Variants in MACF1 observed in about 807,000 individuals in gnomAD.
The protein encoded by MACF1 is microtubule-actin cross-linking factor 1.
MACF1 carries 193 observed loss-of-function variants against 854.8 expected under a neutral mutation model. The observed-to-expected ratio is 0.23, with a 90% CI of 0.20 to 0.25. MACF1 has a LOEUF of 0.25. MACF1 is among the 10% of genes least tolerant of loss of function. MACF1 has a pLI of 1.00. For synonymous variants in MACF1, 3,185 were observed against 3,226.7 expected, an observed-to-expected ratio of 0.99 and a Z score of 0.44; for missense variants, 7,722 against 8,929.1, an observed-to-expected ratio of 0.86 and a Z score of 5.45.
In MACF1 at chr1:39,333,475, G is replaced by A. The variant is rs780408514; in HGVS notation, c.6887G>A (p.Gly2296Asp). The A allele has an allele frequency of 1.2e-6, 2 of 1,614,148 alleles. No homozygotes were observed. Among genetic ancestry groups the A allele is most frequent in the Middle Eastern group, 1.6e-4 (1 of 6,062 alleles). ...TTATCTGCACAGTTACTAGATGGTG[G>A]TATCTTTCATGAACAAACAGGTCAA... ...NVLSAQLLDG[G>D]IFHEQTGQKL... Residue 2296 changes from glycine to aspartate, a missense_variant, in exon 37 of 101, where the codon GGT becomes GAT. Physicochemically the swap from Gly to Asp is moderately conservative, Grantham distance 94 (BLOSUM62 -1). Around this residue, in one of 15 missense-constraint regions of MACF1, gnomAD observed 1,531 missense variants for 1,601.6 expected, o/e 0.96. Transcript: ENST00000564288.
intron 2 of MACF1, among the ~76,000 whole-genome samples, chr1:39,192,717 A>G (rs145239659): frequency 6.6e-6 from 1 of 152,338 alleles, no homozygotes; most frequent in African/African-American, 2.4e-5. Flanking sequence ...AATAAGAGAA[A>G]CACTAATCTA....
intron 2 of MACF1, chr1:39,121,024 T>C (rs1642693920): frequency 6.6e-6 from 1 of 152,400 alleles, no homozygotes; most frequent in Non-Finnish European, 1.5e-5. Flanking sequence ...TTTTAGTATA[T>C]GTGTTGCTTA....
In MACF1 at chr1:39,324,639, C is replaced by T; in HGVS notation, c.4390-7C>T. 1.2e-6 allele frequency: 2 copies of T among 1,601,384 alleles called. No individual in the cohort carries two copies. Among genetic ancestry groups the T allele is most frequent in the Non-Finnish European group, 8.5e-7 (1 of 1,173,016 alleles). On this transcript the variant is annotated splice_region_variant and splice_polypyrimidine_tract_variant and intron_variant, in intron 34 of 100. Coordinates refer to ENST00000564288, the MANE Select transcript of MACF1 (RefSeq NM_001394062.1). ...TGAAGCTTTTTCTCTTTATTTCTAC[C>T]ATGTAGGTTCTGTCAGAAGAGCTGA...
chr1:39,303,744 A>G (rs1253709231), intron 23 of MACF1, among the ~76,000 whole-genome samples: 3 of 150,744 alleles, frequency 2.0e-5, no homozygotes, highest in Non-Finnish European at 4.4e-5. Context: ...GGCCCCTGTA[A>G]TCCCAGCTAC....
chr1:39,268,480 C>T, intron 6 of MACF1: 3 of 1,120,316 alleles, frequency 2.7e-6, no homozygotes, highest in South Asian at 2.1e-5. Flanking sequence ...TTGAATTTGT[C>T]TTGTTGCAGC....
chr1:39,428,950 A>G (rs551001048), intron 63 of MACF1, among the ~76,000 whole-genome samples: 29 of 152,250 alleles, frequency 1.9e-4, no homozygotes, highest in Admixed American at 8.5e-4. Context: ...ATTTTGCTCA[A>G]TTTCACTTCT....
intron 97 of MACF1, among the ~76,000 whole-genome samples, chr1:39,473,642 T>G (rs1468492327): frequency 6.6e-6 from 1 of 152,226 alleles, no homozygotes; most frequent in Non-Finnish European, 1.5e-5. Flanking sequence ...TGAGCACTTC[T>G]CAATGGAAGC....
chr1:39,106,608 C>T (rs979073351), intron 2 of MACF1, among the ~76,000 whole-genome samples: 3 of 152,120 alleles, frequency 2.0e-5, no homozygotes, highest in African/African-American at 7.2e-5. Context: ...GGAGATTTTC[C>T]CAGAAACGAC....
chr1:39,163,176 C>A (rs980160420), intron 2 of MACF1, among the ~76,000 whole-genome samples: 1 of 151,824 alleles, frequency 6.6e-6, no homozygotes. Flanking sequence ...CATGGTGAAA[C>A]CCCATCTTTA....
intron 2 of MACF1, among the ~76,000 whole-genome samples, chr1:39,123,239 G>A (rs1391998984): frequency 1.6e-5 from 2 of 125,408 alleles, no homozygotes; most frequent in East Asian, 4.6e-4. Context: ...AGAGAGTCTC[G>A]CTCTGTTGCC....
rs1455151321 is a variant in MACF1, at chr1:39,447,584, C to G, written c.19758C>G (p.His6586Gln). 2 of 1,613,964 alleles carry G rather than the reference C, an allele frequency of 1.2e-6. No individual in the cohort carries two copies. Among genetic ancestry groups the G allele is most frequent in the Non-Finnish European group, 1.7e-6 (2 of 1,180,004 alleles). The part of the protein sequence containing the change: ...LNTVLSQIEE[H>Q]KVFANEVNAH... ...CTGTCCTTTCCCAGATAGAAGAGCACAAGGTAAGTATGATATTATGATGCT... is the reference window on the plus strand; with the variant it reads ...CTGTCCTTTCCCAGATAGAAGAGCAGAAGGTAAGTATGATATTATGATGCT... The change falls in exon 81 of 101, where the codon CAC (histidine) becomes CAG (glutamine). Residue 6586 changes from histidine to glutamine, a missense_variant. Around this residue, in one of 15 missense-constraint regions of MACF1, gnomAD observed 729 missense variants for 900.5 expected, o/e 0.81. Coordinates refer to ENST00000564288, the MANE Select transcript of MACF1 (RefSeq NM_001394062.1).
intron 2 of MACF1, among the ~76,000 whole-genome samples, chr1:39,156,165 G>A (rs900460937): frequency 1.3e-5 from 2 of 151,660 alleles, no homozygotes; most frequent in East Asian, 1.9e-4. Context: ...GTGAGCCACC[G>A]TGCCTGGCCT....
chr1:39,197,862 G>T (rs1263762398), intron 2 of MACF1, among the ~76,000 whole-genome samples: 2 of 152,180 alleles, frequency 1.3e-5, no homozygotes, highest in Non-Finnish European at 1.5e-5. Context: ...TTCTGGCCTG[G>T]GCGACAGAGC....
Position 39,412,567 on chromosome 1 carries a change from G to A in MACF1, c.15817-9807G>A, listed in dbSNP as rs774555569. On this transcript the variant is annotated intron_variant, in intron 58 of 100. Coordinates refer to ENST00000564288, the MANE Select transcript of MACF1 (RefSeq NM_001394062.1). ...GATTCTGAGTCTGCACCTGCTGGTT[G>A]AAGAACTGAGACTTAATCCAGATGG... is the stretch of plus-strand genomic sequence containing the variant. The A allele has an allele frequency of 1.2e-5, 19 of 1,613,894 alleles. No individual in the cohort carries two copies. In the African/African-American group the frequency reaches 2.4e-4, roughly 20 times the overall value.
At chr1:39,360,034 TATATATATATATATATATAC>T (rs1458282191) in intron 47 of MACF1, among the ~76,000 whole-genome samples, 2,871 of 85,076 alleles carry the variant, frequency 0.034, 190 homozygotes, top group Admixed American at 0.076. Context: ...TATATATATA[TATATATATATATATATATAC>T]ACACACACAC....
chr1:39,177,900 A>G (rs576340243), intron 2 of MACF1, among the ~76,000 whole-genome samples: 4 of 152,258 alleles, frequency 2.6e-5, no homozygotes, highest in Middle Eastern at 3.4e-3. Flanking sequence ...CTGCACTGCC[A>G]TGGCAATAAA....
chr1:39,387,146 G>T (rs1024926176), intron 57 of MACF1, 41 bp from the exon 58 acceptor site: 2 of 1,594,868 alleles, frequency 1.3e-6, no homozygotes, highest in African/African-American at 1.3e-5. Flanking sequence ...AAATGCCAGG[G>T]TTCAGGCTTT....
At chr1:39,315,352 A>G (rs1289491260) in intron 26 of MACF1, among the ~76,000 whole-genome samples, 161 bp from the exon 27 acceptor site, 1 of 152,220 alleles carries the variant, frequency 6.6e-6, no homozygotes, top group Non-Finnish European at 1.5e-5. Flanking sequence ...TTACAGCTGC[A>G]TAATTCTCCA....
At chr1:39,378,667 G>T in intron 53 of MACF1, 144 bp downstream of exon 53, 1 of 742,608 alleles carries the variant, frequency 1.3e-6, no homozygotes. Context: ...AAGCAACTGT[G>T]GTTTGCTGGC....
Sources: gnomAD v4.1 joint callset for allele counts (sites outside exome capture counted in the v4.1 genomes callset) on GRCh38, gnomAD v4.1.1 for gene constraint, gnomAD v4.1.1 regional missense constraint, MANE v1.5 for transcripts, NCBI Gene and HGNC (gene_info 2026-07-23, HGNC 2026-07-21) for gene names.